The following EDIL3 variants were observed in gnomAD, a reference collection of about 807,000 sequenced individuals.
EDIL3 encodes EGF like and discoidin domains 3, also known as EGF-like repeat and discoidin I-like domain-containing protein 3.
A neutral mutation model predicts 67.4 loss-of-function variants in EDIL3; 37 were observed. The observed-to-expected ratio is 0.55, with a 90% CI of 0.42 to 0.72. The LOEUF (loss-of-function observed/expected upper bound fraction) is 0.72, where lower values mean the gene tolerates loss of function less well. Among genes scored for constraint, EDIL3 ranks in the 30% least tolerant of loss-of-function variants. The probability of loss-of-function intolerance (pLI) is 0.00; values close to 1 mark genes in which losing one functional copy is unlikely to be tolerated. For missense variants in EDIL3, 527 were observed against 586.3 expected, an observed-to-expected ratio of 0.90 and a Z score of 1.04; for synonymous variants, 195 against 196.3, an observed-to-expected ratio of 0.99 and a Z score of 0.05.
At chr5:84,074,264 T>A (rs1334773373) in intron 6 of EDIL3, among the ~76,000 whole-genome samples, 2 of 148,256 alleles carry the variant, frequency 1.3e-5, no homozygotes, top group African/African-American at 2.5e-5. Flanking sequence ...AACCTAGGCA[T>A]TACCATTCAG....
intron 1 of EDIL3, among the ~76,000 whole-genome samples, chr5:84,367,203 T>A (rs2112207807): frequency 6.6e-6 from 1 of 152,216 alleles, no homozygotes; most frequent in African/African-American, 2.4e-5. Flanking sequence ...CTCTTAAATA[T>A]AATGCCAACA....
In EDIL3 at chr5:84,111,573, G is replaced by T. The variant is rs116018587; in HGVS notation, c.470-4743C>A. 4.1e-3 allele frequency among the ~76,000 whole-genome samples: 620 copies of T among 152,266 alleles called. 5 individuals carry two copies. Among genetic ancestry groups the T allele is most frequent in the African/African-American group, 0.014 (576 of 41,558 alleles). On this transcript the variant is annotated intron_variant, in intron 5 of 10. Coordinates refer to ENST00000296591, the MANE Select transcript of EDIL3 (RefSeq NM_005711.5). ...CATAGGGATAAATAAGGCAGAAAAG[G>T]TCTATGCTCTTAAAAGATTCACATT...
chr5:84,199,499 G>A (rs187611063), intron 3 of EDIL3, among the ~76,000 whole-genome samples: 68 of 151,736 alleles, frequency 4.5e-4, no homozygotes, highest in African/African-American at 1.6e-3. Context: ...TGTAATGGAA[G>A]AATTGAATTA....
chr5:84,122,636 AT>A (rs1422050759), intron 5 of EDIL3, among the ~76,000 whole-genome samples: 1 of 151,858 alleles, frequency 6.6e-6, no homozygotes, highest in Non-Finnish European at 1.5e-5. Context: ...CATGATAAAC[AT>A]TGTAATGACA....
At chr5:84,091,990 A>G (rs1283431786) in intron 6 of EDIL3, among the ~76,000 whole-genome samples, 1 of 152,168 alleles carries the variant, frequency 6.6e-6, no homozygotes, top group African/African-American at 2.4e-5. Flanking sequence ...GAGTTACAAT[A>G]AGAAACTCTC....
chr5:84,119,770 C>A (rs1032913504), intron 5 of EDIL3, among the ~76,000 whole-genome samples: 1 of 151,912 alleles, frequency 6.6e-6, no homozygotes, highest in Non-Finnish European at 1.5e-5. Flanking sequence ...TACCTGCTGG[C>A]AGTTTTGTTG....
At chr5:84,248,955 C>T (rs1367524047) in intron 2 of EDIL3, among the ~76,000 whole-genome samples, 1 of 151,920 alleles carries the variant, frequency 6.6e-6, no homozygotes, top group Non-Finnish European at 1.5e-5. Flanking sequence ...AATTTGTTTT[C>T]CATATTGCAC....
At chr5:84,032,959 T>C (rs1238088926) in intron 9 of EDIL3, among the ~76,000 whole-genome samples, 2 of 152,216 alleles carry the variant, frequency 1.3e-5, no homozygotes, top group Non-Finnish European at 2.9e-5. Flanking sequence ...GCCTTGGGCA[T>C]GCTCACCAAG....
chr5:84,221,316 T>G (rs1222095688), intron 3 of EDIL3, among the ~76,000 whole-genome samples: 3 of 152,166 alleles, frequency 2.0e-5, no homozygotes, highest in Non-Finnish European at 2.9e-5. Context: ...CATAGATATG[T>G]ATGTCAAGAT....
At chr5:84,091,575 G>T (rs1404144060) in intron 6 of EDIL3, among the ~76,000 whole-genome samples, 1 of 152,198 alleles carries the variant, frequency 6.6e-6, no homozygotes, top group East Asian at 1.9e-4. Flanking sequence ...TCAACACAAG[G>T]AGGTTTTCAG....
At chr5:84,002,982 G>T (rs1745356972) in intron 9 of EDIL3, among the ~76,000 whole-genome samples, 1 of 152,180 alleles carries the variant, frequency 6.6e-6, no homozygotes. Context: ...GAGGCTTTGT[G>T]TCTCTCTGGG....
chr5:84,039,851 T>A (rs1746088291), intron 9 of EDIL3, among the ~76,000 whole-genome samples: 1 of 151,998 alleles, frequency 6.6e-6, no homozygotes, highest in Non-Finnish European at 1.5e-5. Context: ...ATATTCACCA[T>A]TTATAATAAA....
intron 9 of EDIL3, among the ~76,000 whole-genome samples, chr5:84,050,102 G>A (rs557603279): frequency 1.3e-5 from 2 of 151,160 alleles, no homozygotes; most frequent in South Asian, 4.2e-4. Flanking sequence ...GGAGGCTGAG[G>A]CAGGAGAATG....
At chr5:83,968,752 T>C (rs968119424) in intron 9 of EDIL3, among the ~76,000 whole-genome samples, 1 of 152,022 alleles carries the variant, frequency 6.6e-6, no homozygotes, top group Non-Finnish European at 1.5e-5. Flanking sequence ...CTTATGATTG[T>C]TGTCAGCTTA....
At chr5:84,116,915 A>C (rs1747675125) in intron 5 of EDIL3, among the ~76,000 whole-genome samples, 1 of 151,908 alleles carries the variant, frequency 6.6e-6, no homozygotes. Context: ...ATGAATATGG[A>C]TCAGCCTATT....
intron 9 of EDIL3, among the ~76,000 whole-genome samples, chr5:84,022,674 C>G (rs373577287): frequency 1.3e-5 from 2 of 151,854 alleles, no homozygotes; most frequent in African/African-American, 4.8e-5. Flanking sequence ...GCCACATGTT[C>G]TCACTCATAT....
intron 6 of EDIL3, among the ~76,000 whole-genome samples, chr5:84,103,494 A>T (rs1457393780): frequency 2.0e-5 from 3 of 152,116 alleles, no homozygotes; most frequent in Non-Finnish European, 1.5e-5. Context: ...AATATTCAGC[A>T]TCTATAAGAA....
intron 4 of EDIL3, among the ~76,000 whole-genome samples, chr5:84,176,067 G>A (rs1748898550): frequency 6.6e-6 from 1 of 150,856 alleles, no homozygotes; most frequent in South Asian, 2.1e-4. Flanking sequence ...TTAAATGTAG[G>A]ACTGCATTAA....
At chr5:84,066,106 C>T (rs1430877804) in intron 7 of EDIL3, among the ~76,000 whole-genome samples, 2 of 129,822 alleles carry the variant, frequency 1.5e-5, no homozygotes, top group African/African-American at 6.1e-5. Context: ...CAGAGTGAGA[C>T]TTTGTCTCAA....
Sources: allele counts gnomAD v4.1 joint callset (sites outside exome capture counted in the v4.1 genomes callset), GRCh38; gene constraint gnomAD v4.1.1; transcripts MANE v1.5; gene names NCBI Gene and HGNC (gene_info 2026-07-23, HGNC 2026-07-21).